Variants in CDKL3 observed in about 807,000 individuals in gnomAD.
The protein encoded by CDKL3 is cyclin dependent kinase like 3.
A neutral mutation model predicts 69.3 loss-of-function variants in CDKL3; 65 were observed. The observed-to-expected ratio is 0.94, with a 90% CI of 0.77 to 1.15. The LOEUF is 1.15. Ranked by LOEUF, CDKL3 falls within the 50% of genes most tolerant of loss-of-function variation. The probability of loss-of-function intolerance (pLI) is 0.00; values close to 1 mark genes in which losing one functional copy is unlikely to be tolerated. For synonymous variants in CDKL3, 202 were observed against 221.6 expected (o/e 0.91, Z 0.79); for missense variants, 652 against 689.2 (o/e 0.95, Z 0.61).
At chr5:134,297,947 T>TGTGTGTGTGTG (rs1491537178), downstream of CDKL3, among the ~76,000 whole-genome samples, 1 of 129,640 alleles carries the variant, frequency 7.7e-6, no homozygotes, top group Non-Finnish European at 1.6e-5. Flanking sequence ...TGTGTGTGTG[T>TGTGTGTGTGTG]TTTGAGACAG....
chr5:134,338,735 A>T (rs985185620), intron 4 of CDKL3, among the ~76,000 whole-genome samples: 1 of 152,060 alleles, frequency 6.6e-6, no homozygotes, highest in Non-Finnish European at 1.5e-5. Flanking sequence ...ATTATTAAAG[A>T]AATTAAAATA....
chr5:134,302,287 T>C, intron 12 of CDKL3: 1 of 461,604 alleles, frequency 2.2e-6, no homozygotes, highest in African/African-American at 2.0e-5. Flanking sequence ...CATATATTTA[T>C]ACCATTATTC....
upstream of CDKL3, chr5:134,367,248 TG>T (rs1288700570): frequency 2.0e-6 from 2 of 984,990 alleles, no homozygotes; most frequent in East Asian, 2.3e-4. Context: ...AAACCTACTC[TG>T]GGTAGGCGCA....
chr5:134,359,806 T>A, intron 3 of CDKL3, 91 bp downstream of exon 3: 2 of 848,328 alleles, frequency 2.4e-6, no homozygotes, highest in Non-Finnish European at 3.6e-6. Flanking sequence ...AGAAAAAGAA[T>A]GTTAGCCACC....
intron 4 of CDKL3, among the ~76,000 whole-genome samples, chr5:134,325,065 C>T (rs1475399538): frequency 6.6e-6 from 1 of 152,146 alleles, no homozygotes; most frequent in Admixed American, 6.5e-5. Flanking sequence ...GTAGTCCCAG[C>T]TACTTTGGAG....
intron 2 of CDKL3, among the ~76,000 whole-genome samples, chr5:134,361,833 G>A (rs1205026033): frequency 6.6e-6 from 1 of 152,246 alleles, no homozygotes; most frequent in Non-Finnish European, 1.5e-5. Flanking sequence ...GAACCCAGGA[G>A]GTGGAGGTTG....
chr5:134,343,329 A>G (rs1259633486), intron 4 of CDKL3, among the ~76,000 whole-genome samples: 1 of 152,240 alleles, frequency 6.6e-6, no homozygotes, highest in Non-Finnish European at 1.5e-5. Flanking sequence ...TGACTGAGAC[A>G]GTGAAGGAGA....
chr5:134,352,475 A>AT (rs1269351858), intron 3 of CDKL3, among the ~76,000 whole-genome samples: 1 of 151,716 alleles, frequency 6.6e-6, no homozygotes, highest in African/African-American at 2.4e-5. Flanking sequence ...TAATTTTTGT[A>AT]TTTTTAGTGG....
At chr5:134,335,372 T>C (rs1413721402) in intron 4 of CDKL3, among the ~76,000 whole-genome samples, 2 of 152,196 alleles carry the variant, frequency 1.3e-5, no homozygotes, top group Admixed American at 1.3e-4. Flanking sequence ...ATTATGATGC[T>C]AGCTGGTTAT....
intron 2 of CDKL3, 143 bp downstream of exon 2, chr5:134,366,216 T>A: frequency 3.3e-6 from 2 of 601,614 alleles, no homozygotes; most frequent in South Asian, 4.7e-5. Context: ...ACTATAAAAT[T>A]ACAAAATGTA....
At chr5:134,305,722 C>T (rs984583087) in intron 10 of CDKL3, among the ~76,000 whole-genome samples, 1 of 152,114 alleles carries the variant, frequency 6.6e-6, no homozygotes, top group Admixed American at 6.5e-5. Context: ...TAGTCATCTG[C>T]TTTTGGACAG....
intron 3 of CDKL3, among the ~76,000 whole-genome samples, chr5:134,353,254 T>C (rs555675078): frequency 6.6e-6 from 1 of 152,274 alleles, no homozygotes; most frequent in African/African-American, 2.4e-5. Context: ...TCAGCAAATC[T>C]AAAACTAAAA....
At chr5:134,354,912 A>G (rs1294253374) in intron 3 of CDKL3, among the ~76,000 whole-genome samples, 1 of 150,864 alleles carries the variant, frequency 6.6e-6, no homozygotes, top group Non-Finnish European at 1.5e-5. Flanking sequence ...GTGCCACTGC[A>G]CTCCAGCCTG....
intron 7 of CDKL3, among the ~76,000 whole-genome samples, chr5:134,309,809 T>G (rs933599016): frequency 6.6e-6 from 1 of 152,186 alleles, no homozygotes; most frequent in Non-Finnish European, 1.5e-5. Context: ...AGAAGTGATA[T>G]GAAGCAACCT....
chr5:134,334,483 G>C (rs1195501038), intron 4 of CDKL3, among the ~76,000 whole-genome samples: 1 of 152,102 alleles, frequency 6.6e-6, no homozygotes. Context: ...CACTGCTTTT[G>C]CTGTGTCCCA....
At chr5:134,290,442 T>G (rs1220219768) in intron 8 of CDKL3, among the ~76,000 whole-genome samples, 1 of 151,402 alleles carries the variant, frequency 6.6e-6, no homozygotes, top group Non-Finnish European at 1.5e-5. Flanking sequence ...GGAAAGAGAT[T>G]TTCTAGGCAA....
At chr5:134,349,787 G>A (rs950323164) in intron 4 of CDKL3, among the ~76,000 whole-genome samples, 1 of 152,172 alleles carries the variant, frequency 6.6e-6, no homozygotes, top group Non-Finnish European at 1.5e-5. Context: ...GATCTGTTAT[G>A]TTACCTTTAA....
Position 134,298,534 on chromosome 5 carries a change from T to G in CDKL3, c.*117A>C. ...TTTGCTAACAAAAAAAGCTGGATGATGCTCATGCACATGGATGGCTGTCTT... is the reference window on the plus strand; with the variant it reads ...TTTGCTAACAAAAAAAGCTGGATGAGGCTCATGCACATGGATGGCTGTCTT... On this transcript the variant is annotated 3_prime_UTR_variant, in exon 13 of 13. Transcript: ENST00000265334. 1 of 1,469,730 alleles carries G rather than the reference T, an allele frequency of 6.8e-7. No individual in the cohort carries two copies. Among genetic ancestry groups the G allele is most frequent in the South Asian group, 1.6e-5 (1 of 63,740 alleles). The allele number at this position is 1,469,730 out of a possible 1,614,324, so 91.0% of individuals were successfully genotyped here. A position where few individuals can be genotyped will look rare whatever the true frequency, so the allele number is the denominator to read the frequency against.
At chr5:134,317,492 C>T (rs1771455339) in intron 6 of CDKL3, among the ~76,000 whole-genome samples, 1 of 152,112 alleles carries the variant, frequency 6.6e-6, no homozygotes, top group Non-Finnish European at 1.5e-5. Context: ...GGCACAGTTG[C>T]TTATGCCTGT....
Sources: gnomAD v4.1 joint callset for allele counts (sites outside exome capture counted in the v4.1 genomes callset) on GRCh38, gnomAD v4.1.1 for gene constraint, MANE v1.5 for transcripts, NCBI Gene and HGNC (gene_info 2026-07-23, HGNC 2026-07-21) for gene names.